CREB5: variants seen among roughly 807,000 people sequenced by gnomAD.
The protein encoded by CREB5 is cyclic AMP-responsive element-binding protein 5.
CREB5 carries 19 observed loss-of-function variants against 57.1 expected under a neutral mutation model. The ratio of observed to expected loss-of-function variants is 0.33; its 90% confidence interval spans 0.23 to 0.49. The LOEUF (loss-of-function observed/expected upper bound fraction) is 0.49, where lower values mean the gene tolerates loss of function less well. Among genes scored for constraint, CREB5 ranks in the 20% least tolerant of loss-of-function variants. CREB5 has a pLI of 0.99. For synonymous variants in CREB5, 238 were observed against 238.3 expected (o/e 1.00, Z 0.01); for missense variants, 579 against 671.6 (o/e 0.86, Z 1.52).
At chr7:28,416,043 A>C (rs1035061789) in intron 1 of CREB5, among the ~76,000 whole-genome samples, 2 of 152,208 alleles carry the variant, frequency 1.3e-5, no homozygotes, top group African/African-American at 2.4e-5. Context: ...GCTCTAGAGC[A>C]CCACACATTT....
chr7:28,412,881 G>A lies in CREB5; in HGVS notation c.-34G>A, dbSNP rs1583431714. On this transcript the variant is annotated 5_prime_UTR_variant, in exon 1 of 11. Transcript: ENST00000357727. ...AAAAAACTTGATTTGGTGACTGCAG[G>A]AAGCAACACGTTGCTGCTTTTATTC... 4.7e-6 allele frequency: 7 copies of A among 1,484,216 alleles called. No individual in the cohort carries two copies. The highest frequency in any genetic ancestry group is 5.4e-6 in the Non-Finnish European group (6 of 1,114,556). 91.9% of individuals were successfully genotyped at this position (1,484,216 alleles called of 1,614,324 possible).
In CREB5 at chr7:28,656,690, A is replaced by C. The variant is rs901401468; in HGVS notation, c.465-62063A>C. Among the ~76,000 whole-genome samples, 6 of 152,230 alleles carry C rather than the reference A, an allele frequency of 3.9e-5. No homozygotes were observed. The East Asian group carries it at 1.2e-3, about 29-fold the overall frequency. The stretch of plus-strand genomic sequence containing the variant: ...AAAAGGGGCTGAGGAGTGTGTGAAC[A>C]GGAGGGACCTATTTAAGAAAGTCCA... On this transcript the variant is annotated intron_variant, in intron 5 of 10. Transcript: ENST00000357727.
At chr7:28,797,563 C>T (rs1034780368) in intron 7 of CREB5, among the ~76,000 whole-genome samples, 5 of 152,064 alleles carry the variant, frequency 3.3e-5, no homozygotes, top group Non-Finnish European at 7.4e-5. Flanking sequence ...ACTTAAATTG[C>T]GGAACCATCA....
At chr7:28,754,607 A>G (rs1476503388) in intron 7 of CREB5, among the ~76,000 whole-genome samples, 1 of 152,128 alleles carries the variant, frequency 6.6e-6, no homozygotes, top group African/African-American at 2.4e-5. Context: ...GTCAGTTCAT[A>G]TTTTACCTAC....
At chr7:28,771,719 G>T (rs1437935785) in intron 7 of CREB5, among the ~76,000 whole-genome samples, 1 of 124,726 alleles carries the variant, frequency 8.0e-6, no homozygotes, top group East Asian at 2.6e-4. Context: ...TCCAGACCTG[G>T]CACTTCATAA....
intron 5 of CREB5, among the ~76,000 whole-genome samples, chr7:28,651,056 G>A (rs1241548538): frequency 1.3e-5 from 2 of 152,196 alleles, no homozygotes; most frequent in East Asian, 3.9e-4. Context: ...TATAAAGACA[G>A]TTCATTGCTA....
chr7:28,702,393 T>C (rs764551892), intron 5 of CREB5, among the ~76,000 whole-genome samples: 4 of 152,246 alleles, frequency 2.6e-5, no homozygotes, highest in Non-Finnish European at 4.4e-5. Flanking sequence ...GCATTTTCAC[T>C]TTTGTGCTTG....
At chr7:28,775,083 G>A (rs1375912757) in intron 7 of CREB5, among the ~76,000 whole-genome samples, 1 of 152,162 alleles carries the variant, frequency 6.6e-6, no homozygotes, top group African/African-American at 2.4e-5. Context: ...AAATTTCCGT[G>A]TCCTTTGAAT....
intron 5 of CREB5, among the ~76,000 whole-genome samples, chr7:28,698,442 C>A (rs909323547): frequency 6.6e-6 from 1 of 151,680 alleles, no homozygotes; most frequent in Non-Finnish European, 1.5e-5. Context: ...AATAACCCCA[C>A]GACTCAAAAA....
intron 1 of CREB5, among the ~76,000 whole-genome samples, chr7:28,312,216 G>T (rs1054387771): frequency 2.6e-5 from 4 of 150,958 alleles, no homozygotes; most frequent in Admixed American, 1.3e-4. Context: ...TGGAATTTTA[G>T]CTAGCAGTGC....
At chr7:28,757,399 A>G (rs768419504) in intron 7 of CREB5, among the ~76,000 whole-genome samples, 2 of 152,208 alleles carry the variant, frequency 1.3e-5, no homozygotes, top group African/African-American at 4.8e-5. Context: ...TGGGCTGGGC[A>G]CGGTGGCTCA....
chr7:28,782,462 T>A (rs1251382186), intron 7 of CREB5, among the ~76,000 whole-genome samples: 1 of 152,228 alleles, frequency 6.6e-6, no homozygotes, highest in East Asian at 1.9e-4. Context: ...TTAATTTTTC[T>A]TTTTTGCTCA....
At chr7:28,629,029 T>C (rs1798106670) in intron 5 of CREB5, among the ~76,000 whole-genome samples, 3 of 152,212 alleles carry the variant, frequency 2.0e-5, no homozygotes, top group Admixed American at 2.0e-4. Flanking sequence ...CTAAACCAAG[T>C]TGTCTGTTTA....
chr7:28,412,986 G>C, intron 1 of CREB5, 69 bp downstream of exon 1: 1 of 1,306,204 alleles, frequency 7.7e-7, no homozygotes, highest in Admixed American at 2.6e-5. Context: ...TAGAACCAAT[G>C]TTGTATTTTC....
At chr7:28,329,114 G>T (rs1785666265) in intron 1 of CREB5, among the ~76,000 whole-genome samples, 1 of 152,196 alleles carries the variant, frequency 6.6e-6, no homozygotes, top group Admixed American at 6.5e-5. Context: ...CTGTAAAGCT[G>T]AGAATCAGTT....
intron 1 of CREB5, among the ~76,000 whole-genome samples, chr7:28,364,223 C>G (rs1243496648): frequency 6.6e-6 from 1 of 152,114 alleles, no homozygotes; most frequent in Non-Finnish European, 1.5e-5. Flanking sequence ...AGAAAGATCC[C>G]TGGAATAAAC....
intron 1 of CREB5, among the ~76,000 whole-genome samples, chr7:28,301,436 C>A (rs1053383600): frequency 2.6e-5 from 4 of 152,170 alleles, no homozygotes; most frequent in African/African-American, 9.7e-5. Context: ...CAGAGTCTGC[C>A]AAGGTAGGCC....
At chr7:28,665,197 A>G (rs949787915) in intron 5 of CREB5, among the ~76,000 whole-genome samples, 1 of 152,172 alleles carries the variant, frequency 6.6e-6, no homozygotes, top group Non-Finnish European at 1.5e-5. Context: ...ATGAAGGACC[A>G]TCAGGGAGGG....
rs76027934 is a variant in CREB5 at position 28,816,687 on chromosome 7, C to A, written c.1255-1384C>A. Among the ~76,000 whole-genome samples, 719 of 152,118 alleles carry A rather than the reference C, an allele frequency of 4.7e-3. 6 individuals carry two copies. The highest frequency in any genetic ancestry group is 0.016 in the African/African-American group (650 of 41,524). ...TAAAACAGATTTCAATTTTTTTTAG[C>A]GCAACTTCTAGAATCCCAAACATAC... On this transcript the variant is annotated intron_variant, in intron 9 of 10. Coordinates refer to ENST00000357727, the MANE Select transcript of CREB5 (RefSeq NM_182898.4).
Sources: gnomAD v4.1 joint callset for allele counts (sites outside exome capture counted in the v4.1 genomes callset) on GRCh38, gnomAD v4.1.1 for gene constraint, MANE v1.5 for transcripts, NCBI Gene and HGNC (gene_info 2026-07-23, HGNC 2026-07-21) for gene names.